The following DCUN1D3 variants were observed in gnomAD, a reference collection of about 807,000 sequenced individuals.
The protein encoded by DCUN1D3 is DCN1-like protein 3.
A neutral mutation model predicts 24.8 loss-of-function variants in DCUN1D3; 6 were observed. That is an observed-to-expected ratio of 0.24 (90% CI 0.13 to 0.48). The LOEUF (loss-of-function observed/expected upper bound fraction) is 0.48. Among genes scored for constraint, DCUN1D3 ranks in the 20% least tolerant of loss-of-function variants. The pLI, the probability that DCUN1D3 is intolerant of heterozygous loss-of-function variation, is 0.99. For missense variants in DCUN1D3, 258 were observed against 379.4 expected (o/e 0.68, Z 2.66); for synonymous variants, 120 against 144.9 (o/e 0.83, Z 1.24).
intron 1 of DCUN1D3, among the ~76,000 whole-genome samples, chr16:20,899,403 G>GT (rs1305116884): frequency 2.0e-5 from 3 of 152,176 alleles, no homozygotes; most frequent in Admixed American, 2.0e-4. Flanking sequence ...TAATCGGAGC[G>GT]TAAGAGGTAC....
rs139361128 is a variant in DCUN1D3, at chr16:20,859,115, T to C, written c.*771A>G. The C allele has an allele frequency of 3.3e-5, 5 of 152,780 alleles. No homozygotes were observed. In the East Asian group the frequency reaches 7.7e-4, roughly 24 times the overall value. 9.5% of individuals were successfully genotyped at this position (152,780 alleles called of 1,614,324 possible). A position where few individuals can be genotyped will look rare whatever the true frequency, so the allele number is the denominator to read the frequency against. On this transcript the variant is annotated 3_prime_UTR_variant, in exon 3 of 3. Transcript: ENST00000324344. ...CTTAAGTGGTTCTCAGTACAATGTG[T>C]TCTTAAAAAATGCTCACTTGACTGA...
At chr16:20,895,271 A>AT (rs869079305) in intron 1 of DCUN1D3, among the ~76,000 whole-genome samples, 23 of 6,320 alleles carry the variant, frequency 3.6e-3, no homozygotes, top group Admixed American at 0.028. Flanking sequence ...AGTTTTTTAA[A>AT]TTTTTTTAGA....
intron 1 of DCUN1D3, 73 bp from the exon 2 acceptor site, chr16:20,862,716 C>T: frequency 1.5e-6 from 2 of 1,335,502 alleles, no homozygotes; most frequent in Non-Finnish European, 2.0e-6. Flanking sequence ...CTAGGGTGCA[C>T]ACTGGTTCAC....
chr16:20,891,072 C>A (rs1378618911), intron 1 of DCUN1D3, among the ~76,000 whole-genome samples: 1 of 151,938 alleles, frequency 6.6e-6, no homozygotes, highest in African/African-American at 2.4e-5. Context: ...TGGCTCACTG[C>A]AATCTCTGCC....
intron 1 of DCUN1D3, among the ~76,000 whole-genome samples, chr16:20,890,960 A>G (rs1158568539): frequency 3.3e-5 from 5 of 151,960 alleles, no homozygotes; most frequent in African/African-American, 9.7e-5. Flanking sequence ...GGCCTGCCAA[A>G]GAGAACATGG....
At chr16:20,897,304 G>A (rs2081920461) in intron 1 of DCUN1D3, among the ~76,000 whole-genome samples, 1 of 152,214 alleles carries the variant, frequency 6.6e-6, no homozygotes, top group Non-Finnish European at 1.5e-5. Flanking sequence ...GTCAAGGTGA[G>A]GCTGAAAAGC....
chr16:20,895,657 T>C (rs2081912140), intron 1 of DCUN1D3, among the ~76,000 whole-genome samples: 1 of 152,220 alleles, frequency 6.6e-6, no homozygotes, highest in African/African-American at 2.4e-5. Flanking sequence ...GGTCAAGTTC[T>C]GTGGTAATCC....
chr16:20,875,257 A>AC (rs2081809022), intron 1 of DCUN1D3, among the ~76,000 whole-genome samples: 1 of 131,510 alleles, frequency 7.6e-6, no homozygotes, highest in African/African-American at 3.0e-5. Flanking sequence ...CACACACACA[A>AC]ATGTTGCATC....
chr16:20,860,339 T>G lies in DCUN1D3; in HGVS notation c.462A>C (p.Ile154=). The change falls in exon 3 of 3, where the codon ATA becomes ATC. Residue 154 remains isoleucine, a synonymous_variant. Transcript: ENST00000324344. The surrounding 1 kb of genome is among the most constrained non-coding windows in gnomAD (Gnocchi z 4.3). ...RKEFFDGCKA[I]SADSIDGICA... is the part of the protein sequence containing the mutation. ...AGATTCCGTCAATGCTGTCTGCACT[T>G]ATTGCTTTGCAGCCATCAAAAAACT... 1 of 1,613,486 alleles carries G rather than the reference T, an allele frequency of 6.2e-7. No individual in the cohort carries two copies. The highest frequency in any genetic ancestry group is 8.5e-7 in the Non-Finnish European group (1 of 1,179,566).
chr16:20,861,939 C>T (rs1467206403), intron 2 of DCUN1D3, among the ~76,000 whole-genome samples, 169 bp downstream of exon 2: 1 of 152,076 alleles, frequency 6.6e-6, no homozygotes, highest in African/African-American at 2.4e-5. Flanking sequence ...GCATCATAAC[C>T]ACAACTTGGC....
In DCUN1D3 at chr16:20,860,276, T is replaced by C; in HGVS notation, c.525A>G (p.Gln175=). ...RFPSLLTEAK[Q]EDKFKDLYRF... ...GGTAGAGATCCTTGAATTTATCCTC[T>C]TGTTTGGCTTCTGTTAAGAGGCTAG... Residue 175 remains glutamine (Q), a synonymous_variant, in exon 3 of 3, where the codon CAA becomes CAG. Coordinates refer to ENST00000324344, the MANE Select transcript of DCUN1D3 (RefSeq NM_173475.4). This position sits in a 1 kb window ranked among gnomAD's most constrained non-coding sequence, Gnocchi z 4.3. 1 of 1,614,230 alleles carries C rather than the reference T, an allele frequency of 6.2e-7. No individual in the cohort carries two copies. Among genetic ancestry groups the C allele is most frequent in the Non-Finnish European group, 8.5e-7 (1 of 1,180,020 alleles).
intron 1 of DCUN1D3, among the ~76,000 whole-genome samples, chr16:20,864,226 A>G (rs1359971090): frequency 1.3e-5 from 2 of 152,214 alleles, no homozygotes; most frequent in African/African-American, 4.8e-5. Context: ...TGGAAGAGGA[A>G]ATATGCAAAC....
intron 1 of DCUN1D3, among the ~76,000 whole-genome samples, chr16:20,897,213 A>T (rs958585183): frequency 2.0e-5 from 3 of 152,244 alleles, no homozygotes; most frequent in Non-Finnish European, 4.4e-5. Flanking sequence ...AAAAAAGCAT[A>T]TTCTGTTTCA....
At chr16:20,881,220 A>C (rs1413423487) in intron 1 of DCUN1D3, among the ~76,000 whole-genome samples, 1 of 152,222 alleles carries the variant, frequency 6.6e-6, no homozygotes, top group African/African-American at 2.4e-5. Context: ...CCTGGGCAAC[A>C]CAGCGATACT....
chr16:20,894,293 A>C (rs560796221), intron 1 of DCUN1D3, among the ~76,000 whole-genome samples: 1 of 152,260 alleles, frequency 6.6e-6, no homozygotes, highest in Non-Finnish European at 1.5e-5. Context: ...AAATGAATAC[A>C]TAATAAATCA....
chr16:20,881,717 G>A (rs2081844620), intron 1 of DCUN1D3, among the ~76,000 whole-genome samples: 1 of 152,088 alleles, frequency 6.6e-6, no homozygotes, highest in Non-Finnish European at 1.5e-5. Context: ...GCTTATGCAA[G>A]CCCTTAGCCT....
chr16:20,891,240 C>T (rs2081891007), intron 1 of DCUN1D3, among the ~76,000 whole-genome samples: 1 of 152,182 alleles, frequency 6.6e-6, no homozygotes, highest in African/African-American at 2.4e-5. Flanking sequence ...GATCCACCCA[C>T]CTCGGCCTCC....
chr16:20,896,420 T>C (rs866393706), intron 1 of DCUN1D3: 1 of 152,138 alleles, frequency 6.6e-6, no homozygotes, highest in Non-Finnish European at 1.5e-5. Context: ...GTACCCTAAA[T>C]TAAAAGGCCA....
rs1222818012 is a variant in DCUN1D3, at chr16:20,857,066, C to T, written c.*2820G>A. 2.0e-5 allele frequency: 3 copies of T among 152,192 alleles called. No homozygotes were observed. The highest frequency in any genetic ancestry group is 4.8e-5 in the African/African-American group (2 of 41,440). 9.4% of individuals were successfully genotyped at this position (152,192 alleles called of 1,614,324 possible). On this transcript the variant is annotated 3_prime_UTR_variant, in exon 3 of 3. Transcript: ENST00000324344. ...AGGTTGAAAGGAACAAGACTTTTCA[C>T]TTCCCAGAAGTATAACTTCAAACCC...
Sources: gnomAD v4.1 joint callset for allele counts (sites outside exome capture counted in the v4.1 genomes callset) on GRCh38, gnomAD v4.1.1 for gene constraint, Gnocchi (gnomAD v3.1) non-coding constraint, MANE v1.5 for transcripts, NCBI Gene and HGNC (gene_info 2026-07-23, HGNC 2026-07-21) for gene names.